ATP10B: variants seen among roughly 807,000 people sequenced by gnomAD.
ATP10B encodes phospholipid-transporting ATPase VB.
In ATP10B, 122 loss-of-function variants were observed where a neutral mutation model predicts 141.2. The observed-to-expected ratio is 0.86, with a 90% confidence interval of 0.75 to 1.00. The LOEUF (loss-of-function observed/expected upper bound fraction) is 1.00. ATP10B is among the 50% of genes least tolerant of loss of function. ATP10B has a pLI of 0.00. For missense variants in ATP10B, 1,876 were observed against 1,825.3 expected, an observed-to-expected ratio of 1.03 and a Z score of -0.51; for synonymous variants, 685 against 692.0, an observed-to-expected ratio of 0.99 and a Z score of 0.16.
At chr5:160,637,293 C>G (rs1759483771) in intron 10 of ATP10B, among the ~76,000 whole-genome samples, 1 of 151,990 alleles carries the variant, frequency 6.6e-6, no homozygotes, top group African/African-American at 2.4e-5. Context: ...ATCCATCCAC[C>G]CTCCTACCCA....
At chr5:160,714,856 C>A (rs930437605) in intron 3 of ATP10B, among the ~76,000 whole-genome samples, 69 of 147,670 alleles carry the variant, frequency 4.7e-4, no homozygotes, top group Non-Finnish European at 1.2e-4. Flanking sequence ...AGCTGCAGGT[C>A]TGTTGGAATA....
At chr5:160,894,388 C>T in the ATP10B span, among the ~76,000 whole-genome samples, 11 of 151,892 alleles carry the variant, frequency 7.2e-5, no homozygotes, top group African/African-American at 2.7e-4. Context: ...AAACACAGCA[C>T]GAGAACTTTG....
intron 7 of ATP10B, among the ~76,000 whole-genome samples, chr5:160,666,994 G>A (rs943858207): frequency 6.6e-6 from 1 of 152,028 alleles, no homozygotes; most frequent in South Asian, 2.1e-4. Context: ...TGAGGCAGGC[G>A]GATCATGAGG....
At chr5:160,653,592 T>TATATACATATATAC (rs1761126059) in intron 7 of ATP10B, among the ~76,000 whole-genome samples, 3 of 7,348 alleles carry the variant, frequency 4.1e-4, no homozygotes, top group African/African-American at 7.3e-4. Context: ...CATATATACA[T>TATATACATATATAC]ATATACATAT....
intron 2 of ATP10B, among the ~76,000 whole-genome samples, chr5:160,752,716 A>G (rs1768240775): frequency 6.6e-6 from 1 of 152,230 alleles, no homozygotes; most frequent in South Asian, 2.1e-4. Context: ...AGCACAAACC[A>G]GTGAAGTCAA....
chr5:160,789,785 C>G (rs1220225861), intron 1 of ATP10B, among the ~76,000 whole-genome samples: 1 of 152,122 alleles, frequency 6.6e-6, no homozygotes, highest in Non-Finnish European at 1.5e-5. Context: ...ATGTCTCATT[C>G]TAAAGCACAA....
At chr5:160,926,804 C>T in the ATP10B span, among the ~76,000 whole-genome samples, 2 of 152,328 alleles carry the variant, frequency 1.3e-5, no homozygotes, top group African/African-American at 4.8e-5. Flanking sequence ...GAAATCCTGC[C>T]TAGAAGTCAC....
At chr5:160,719,531 G>A (rs528232017) in intron 2 of ATP10B, among the ~76,000 whole-genome samples, 1 of 152,326 alleles carries the variant, frequency 6.6e-6, no homozygotes, top group Non-Finnish European at 1.5e-5. Context: ...AGTGCTTGCT[G>A]AATGGTTGCT....
chr5:160,644,832 G>A (rs955455336), intron 8 of ATP10B, among the ~76,000 whole-genome samples: 3 of 152,174 alleles, frequency 2.0e-5, no homozygotes, highest in Non-Finnish European at 4.4e-5. Context: ...TGGGCAACCA[G>A]TAGGGCCGGG....
the ATP10B span, among the ~76,000 whole-genome samples, chr5:160,894,922 T>G: frequency 6.6e-6 from 1 of 152,202 alleles, no homozygotes; most frequent in Admixed American, 6.5e-5. Context: ...GGAAAAGAAT[T>G]GTCATCCCAG....
the ATP10B span, among the ~76,000 whole-genome samples, chr5:160,890,524 G>A: frequency 3.5e-3 from 523 of 151,148 alleles, 3 homozygotes; most frequent in South Asian, 0.013. Flanking sequence ...TATTTTATAA[G>A]TGCTATTATA....
At chr5:160,707,785 T>C (rs913677842) in intron 3 of ATP10B, among the ~76,000 whole-genome samples, 3 of 151,824 alleles carry the variant, frequency 2.0e-5, no homozygotes, top group Admixed American at 6.6e-5. Flanking sequence ...AAAAAAGAAT[T>C]GGGAAGAAAG....
the ATP10B span, among the ~76,000 whole-genome samples, chr5:160,872,622 T>C: frequency 1.3e-5 from 2 of 152,204 alleles, no homozygotes; most frequent in African/African-American, 2.4e-5. Context: ...CACCATTTGT[T>C]GAAAAAGGTG....
At chr5:160,645,784 A>G (rs1760236864) in intron 8 of ATP10B, among the ~76,000 whole-genome samples, 1 of 152,218 alleles carries the variant, frequency 6.6e-6, no homozygotes, top group Non-Finnish European at 1.5e-5. Flanking sequence ...TTGTTCTTCA[A>G]TACTTCTTAT....
intron 3 of ATP10B, among the ~76,000 whole-genome samples, chr5:160,697,834 A>C (rs756779521): frequency 4.7e-4 from 72 of 152,212 alleles, no homozygotes; most frequent in Non-Finnish European, 5.4e-4. Context: ...TGCCACACTC[A>C]GCCCTCATCA....
At chr5:160,683,777 G>T (rs1476584319) in intron 6 of ATP10B, among the ~76,000 whole-genome samples, 2 of 152,188 alleles carry the variant, frequency 1.3e-5, no homozygotes, top group Non-Finnish European at 2.9e-5. Flanking sequence ...CTCTGAAGGT[G>T]CTTTGTCCCT....
intron 2 of ATP10B, among the ~76,000 whole-genome samples, chr5:160,719,473 A>C (rs990936312): frequency 6.6e-6 from 1 of 152,236 alleles, no homozygotes; most frequent in African/African-American, 2.4e-5. Flanking sequence ...AGGCCAATGC[A>C]TGATTTGTGT....
chr5:160,733,288 G>A (rs1445631550), intron 2 of ATP10B, among the ~76,000 whole-genome samples: 1 of 152,088 alleles, frequency 6.6e-6, no homozygotes, highest in Admixed American at 6.5e-5. Context: ...AGAATAGAGA[G>A]TGAATAAGCA....
At chr5:160,834,321 T>C (rs1775286711) in intron 1 of ATP10B, among the ~76,000 whole-genome samples, 2 of 151,866 alleles carry the variant, frequency 1.3e-5, no homozygotes, top group Admixed American at 1.3e-4. Context: ...CAAGACCCTG[T>C]CCCCAAAATA....
Sources: gnomAD v4.1 joint callset for allele counts (sites outside exome capture counted in the v4.1 genomes callset) on GRCh38, gnomAD v4.1.1 for gene constraint, MANE v1.5 for transcripts, NCBI Gene and HGNC (gene_info 2026-07-23, HGNC 2026-07-21) for gene names.